UBR2: variants seen among roughly 807,000 people sequenced by gnomAD.
The protein encoded by UBR2 is ubiquitin protein ligase E3 component n-recognin 2, also known as E3 ubiquitin-protein ligase UBR2.
UBR2 carries 92 observed loss-of-function variants against 247.9 expected under a neutral mutation model. The ratio of observed to expected loss-of-function variants is 0.37; its 90% CI spans 0.31 to 0.44. The LOEUF is 0.44. Among genes scored for constraint, UBR2 ranks in the 20% least tolerant of loss-of-function variants. The pLI is 1.00. For synonymous variants in UBR2, 672 were observed against 693.5 expected, an observed-to-expected ratio of 0.97 and a Z score of 0.49; for missense variants, 1,613 against 2,112.6, an observed-to-expected ratio of 0.76 and a Z score of 4.64.
rs1219850886 is a variant in UBR2 at position 42,645,580 on chromosome 6, T to C, written c.2399T>C (p.Leu800Ser). The C allele has an allele frequency of 6.2e-7, 1 of 1,612,952 alleles. No homozygotes were observed. The highest frequency in any genetic ancestry group is 1.1e-5 in the South Asian group (1 of 90,998). The change falls in exon 21 of 47, where the codon TTA becomes TCA. Residue 800 changes from leucine (L) to serine (S), a missense_variant. Leu to Ser is a moderately radical substitution (Grantham distance 145). Around this residue, in one of 3 missense-constraint regions of UBR2, gnomAD observed 1,524 missense variants for 1,967.3 expected, o/e 0.77. Transcript: ENST00000372901. ...GCTCATAGTGAATTGGTAAAGTCTT[T>C]ACCTGAAGATGTAAGTACCTACATT... ...PMAHSELVKS[L>S]PEDENKETGM...
chr6:42,660,596 AGAGTT>A (rs1000895001), intron 30 of UBR2, among the ~76,000 whole-genome samples: 1 of 152,108 alleles, frequency 6.6e-6, no homozygotes, highest in Non-Finnish European at 1.5e-5. Context: ...GCCCACTTTT[AGAGTT>A]GCCTTCTCTC....
intron 6 of UBR2, 91 bp downstream of exon 6, chr6:42,605,950 T>G: frequency 8.9e-7 from 1 of 1,122,048 alleles, no homozygotes; most frequent in Non-Finnish European, 1.2e-6. Flanking sequence ...AAGATATATA[T>G]ATCTAGGCTT....
chr6:42,686,689 G>A (rs1206555532), intron 44 of UBR2, among the ~76,000 whole-genome samples: 4 of 151,244 alleles, frequency 2.6e-5, no homozygotes, highest in African/African-American at 9.7e-5. Flanking sequence ...CGGACGGGGC[G>A]GCTGGCCGGG....
intron 46 of UBR2, among the ~76,000 whole-genome samples, chr6:42,690,232 C>T (rs961167479): frequency 4.6e-5 from 7 of 152,276 alleles, no homozygotes; most frequent in African/African-American, 9.6e-5. Context: ...AAGTTTTAAC[C>T]GCCATAGATA....
intron 13 of UBR2, among the ~76,000 whole-genome samples, chr6:42,634,510 A>G (rs1795960600): frequency 6.6e-6 from 1 of 152,178 alleles, no homozygotes; most frequent in African/African-American, 2.4e-5. Flanking sequence ...GCGGGAGTGC[A>G]GTGGCGCGAT....
chr6:42,663,975 A>G (rs571628882), intron 32 of UBR2, among the ~76,000 whole-genome samples: 1 of 152,292 alleles, frequency 6.6e-6, no homozygotes, highest in Non-Finnish European at 1.5e-5. Context: ...CCTGGGCAAC[A>G]TAGTGAGACC....
rs1791324719 is a variant in UBR2, at chr6:42,573,848, G to T, written c.193G>T (p.Ala65Ser). 1 of 1,613,852 alleles carries T rather than the reference G, an allele frequency of 6.2e-7. No homozygotes were observed. Among genetic ancestry groups the T allele is most frequent in the Non-Finnish European group, 8.5e-7 (1 of 1,179,984 alleles). Reference protein sequence around the residue: ...NPFPQKEDMLAQHVLLGPMEW... With the variant: ...NPFPQKEDMLSQHVLLGPMEW... ...TTTTCCACAGAAAGAAGACATGCTGGCACAGCATGTTTTGTTGGGACCAAT... is the reference window on the plus strand; with the variant it reads ...TTTTCCACAGAAAGAAGACATGCTGTCACAGCATGTTTTGTTGGGACCAAT... The change falls in exon 2 of 47, where the codon GCA becomes TCA. Residue 65 changes from alanine (A) to serine (S), a missense_variant. By Grantham distance (99) the Ala-to-Ser change is moderately conservative. Coordinates refer to ENST00000372901, the MANE Select transcript of UBR2 (RefSeq NM_001363705.2).
Position 42,673,824 on chromosome 6 carries a change from G to T in UBR2, c.4120G>T (p.Ala1374Ser). The T allele has an allele frequency of 6.2e-7, 1 of 1,613,884 alleles. No homozygotes were observed. The highest frequency in any genetic ancestry group is 8.5e-7 in the Non-Finnish European group (1 of 1,179,862). Residue 1374 changes from alanine (A) to serine (S), a missense_variant, in exon 37 of 47, where the codon GCA becomes TCA. Ala to Ser is a moderately conservative substitution (Grantham distance 99, BLOSUM62 1). Transcript: ENST00000372901. Reference sequence around the variant, plus strand: ...TCTTAGGTCATTGACGAGATTTGCCGCAGCACACTGGACAGTGGCATCAGT... The same window carrying T: ...TCTTAGGTCATTGACGAGATTTGCCTCAGCACACTGGACAGTGGCATCAGT... ...DCLRSLTRFAAAHWTVASVSV... is the reference protein window; with the variant it reads ...DCLRSLTRFASAHWTVASVSV...
At chr6:42,622,279 A>G (rs2151944525) in intron 11 of UBR2, among the ~76,000 whole-genome samples, 1 of 152,152 alleles carries the variant, frequency 6.6e-6, no homozygotes, top group South Asian at 2.1e-4. Context: ...TCAGCGTCCC[A>G]AAGTGCTGGG....
chr6:42,688,736 A>G (rs1292817035), intron 45 of UBR2, among the ~76,000 whole-genome samples: 2 of 152,166 alleles, frequency 1.3e-5, no homozygotes, highest in Non-Finnish European at 2.9e-5. Context: ...TTTTACCTCC[A>G]CTTATACATA....
chr6:42,585,517 T>C (rs1398016420), intron 2 of UBR2, among the ~76,000 whole-genome samples: 5 of 152,244 alleles, frequency 3.3e-5, no homozygotes, highest in African/African-American at 1.2e-4. Context: ...GTATGACTTT[T>C]TCTTAAATGT....
At chr6:42,606,795 T>A in intron 7 of UBR2, 144 bp downstream of exon 7, 1 of 644,084 alleles carries the variant, frequency 1.6e-6, no homozygotes, top group Non-Finnish European at 2.6e-6. Flanking sequence ...AAATATTGCA[T>A]TATTGTTTTA....
At chr6:42,677,596 G>A (rs867431970) in intron 40 of UBR2, among the ~76,000 whole-genome samples, 2 of 151,996 alleles carry the variant, frequency 1.3e-5, no homozygotes, top group Admixed American at 6.6e-5. Context: ...TGGCCAACAT[G>A]GTGAAACCCT....
intron 15 of UBR2, among the ~76,000 whole-genome samples, chr6:42,637,981 A>G (rs766839583): frequency 3.3e-5 from 5 of 152,176 alleles, no homozygotes; most frequent in Admixed American, 6.5e-5. Context: ...TATGTAGTTT[A>G]TGTTAAGTTT....
At chr6:42,572,779 C>CA (rs1212127829) in intron 1 of UBR2, among the ~76,000 whole-genome samples, 1 of 151,864 alleles carries the variant, frequency 6.6e-6, no homozygotes, top group Non-Finnish European at 1.5e-5. Flanking sequence ...TCTTGGCTCA[C>CA]TACAACCTCT....
At chr6:42,602,307 A>G (rs1793433199) in intron 4 of UBR2, among the ~76,000 whole-genome samples, 1 of 151,424 alleles carries the variant, frequency 6.6e-6, no homozygotes, top group South Asian at 2.1e-4. Flanking sequence ...GGTTCATGCC[A>G]TTCTCCTGCC....
chr6:42,658,447 TTATCTC>T (rs1269012464), intron 28 of UBR2, 127 bp downstream of exon 28: 2 of 1,115,164 alleles, frequency 1.8e-6, no homozygotes, highest in African/African-American at 1.6e-5. Context: ...ATGCCACTAT[TTATCTC>T]TATTTGTTGT....
rs1790641976 is a variant in UBR2 at position 42,564,246 on chromosome 6, T to C, written c.-74T>C. On this transcript the variant is annotated 5_prime_UTR_variant, in exon 1 of 47. Transcript: ENST00000372901. ...TGATTGCCTGGGGCAGGGGTGGCAG[T>C]CGAGGCCGCCGGGGCCGAGGTGAGG... 6.5e-7 allele frequency: 1 copy of C among 1,547,974 alleles called. No individual in the cohort carries two copies. Among genetic ancestry groups the C allele is most frequent in the South Asian group, 1.2e-5 (1 of 84,174 alleles).
chr6:42,643,538 A>G (rs530460264), intron 18 of UBR2, among the ~76,000 whole-genome samples: 199 of 152,248 alleles, frequency 1.3e-3, no homozygotes, highest in African/African-American at 4.6e-3. Flanking sequence ...GGAGGTTGCA[A>G]TGAGCTGAGA....
Sources: allele counts gnomAD v4.1 joint callset (sites outside exome capture counted in the v4.1 genomes callset), GRCh38; gene constraint gnomAD v4.1.1; regional missense constraint gnomAD v4.1.1; transcripts MANE v1.5; gene names NCBI Gene and HGNC (gene_info 2026-07-23, HGNC 2026-07-21).